The following PCDHGB6 variants were observed in gnomAD, a reference collection of about 807,000 sequenced individuals.
The protein encoded by PCDHGB6 is protocadherin gamma-B6.
In PCDHGB6, 51 loss-of-function variants were observed where a neutral mutation model predicts 59.1. That is an observed-to-expected ratio of 0.86 (90% CI 0.69 to 1.09). The LOEUF (loss-of-function observed/expected upper bound fraction) is 1.09. Among genes scored for constraint, PCDHGB6 ranks in the 50% least tolerant of loss-of-function variants. The pLI is 0.00. For synonymous variants in PCDHGB6, 466 were observed against 495.1 expected (o/e 0.94, Z 0.78); for missense variants, 1,148 against 1,205.1 (o/e 0.95, Z 0.70).
chr5:141,489,425 G>T lies in PCDHGB6; in HGVS notation c.2419-5382G>T, dbSNP rs779739693. 6.2e-7 allele frequency: 1 copy of T among 1,614,118 alleles called. No homozygotes were observed. The highest frequency in any genetic ancestry group is 8.5e-7 in the Non-Finnish European group (1 of 1,180,030). The stretch of plus-strand genomic sequence containing the variant: ...TTAAAGATGACAGATCTGTTGAGCC[G>T]GCGGCTGCAATTGGGCTCTGAGGAG... On this transcript the variant is annotated intron_variant, in intron 1 of 3. Transcript: ENST00000520790. This position sits in a 1 kb window ranked among gnomAD's most constrained non-coding sequence, Gnocchi z 4.5.
rs926009065 is a variant in PCDHGB6, at chr5:141,488,023, AG to A, written c.2419-6782del. ...TCAGATTCTGAAGTACCTTAACTCT[AG>A]GTTACCATTTCCCAAGGGATTGAGG... On this transcript the variant is annotated intron_variant, in intron 1 of 3. Transcript: ENST00000520790. 1.4e-3 allele frequency among the ~76,000 whole-genome samples: 213 copies of A among 152,260 alleles called. 1 individual carries two copies. The highest frequency in any genetic ancestry group is 5.0e-3 in the African/African-American group (208 of 41,542).
chr5:141,413,135 T>TGTCC (rs767378713), intron 1 of PCDHGB6: 1 of 1,545,632 alleles, frequency 6.5e-7, no homozygotes, highest in Non-Finnish European at 8.7e-7. Context: ...ACACACAACG[T>TGTCC]GTCCAGTGAG....
intron 1 of PCDHGB6, chr5:141,417,977 G>T (rs752463782): frequency 1.2e-6 from 2 of 1,613,872 alleles, no homozygotes; most frequent in South Asian, 2.2e-5. Context: ...GATTCCGGAG[G>T]AGCTGGCCAA....
At chr5:141,453,046 T>C (rs1561950003) in intron 1 of PCDHGB6, among the ~76,000 whole-genome samples, 1 of 152,186 alleles carries the variant, frequency 6.6e-6, no homozygotes, top group Non-Finnish European at 1.5e-5. Context: ...GTTTCTATTA[T>C]GTGCAGTTTT....
rs1184232947 is a variant in PCDHGB6 at position 141,487,060 on chromosome 5, G to T, written c.2419-7747G>T. ...TCTCTCGATATGCTGGGGAGGTGCG[G>T]ACGGCTGTTCCTATCCCAGCTGACC... On this transcript the variant is annotated intron_variant, in intron 1 of 3. Transcript: ENST00000520790. This position sits in a 1 kb window ranked among gnomAD's most constrained non-coding sequence, Gnocchi z 5.0. The T allele has an allele frequency of 1.9e-6, 3 of 1,614,182 alleles. No individual in the cohort carries two copies. In the East Asian group the frequency reaches 6.7e-5, roughly 36 times the overall value.
chr5:141,508,799 C>T (rs962590711), intron 3 of PCDHGB6, among the ~76,000 whole-genome samples: 1 of 152,110 alleles, frequency 6.6e-6, no homozygotes, highest in Non-Finnish European at 1.5e-5. Context: ...ACTCTGGAAT[C>T]CTGGCTCTTT....
intron 2 of PCDHGB6, among the ~76,000 whole-genome samples, chr5:141,498,971 G>GGGAAGGAA (rs201769957): frequency 0.022 from 2,449 of 111,032 alleles, 52 homozygotes; most frequent in African/African-American, 0.046. Flanking sequence ...GAGGGAGGGA[G>GGGAAGGAA]GGAAGGAAGG....
chr5:141,444,152 ATTTTTTTTTTTTTT>A (rs747671382), intron 1 of PCDHGB6, among the ~76,000 whole-genome samples: 241 of 33,882 alleles, frequency 7.1e-3, no homozygotes, highest in African/African-American at 0.019. Flanking sequence ...TGTGTACTGG[ATTTTTTTTTTTTTT>A]TTTTTTTTTT....
At chr5:141,421,305 G>A in intron 1 of PCDHGB6, 23 of 1,613,652 alleles carry the variant, frequency 1.4e-5, no homozygotes, top group Non-Finnish European at 1.9e-5. Context: ...CGCTGCGGGG[G>A]TTCCGGGCCA....
intron 1 of PCDHGB6, chr5:141,413,874 T>C: frequency 6.2e-7 from 1 of 1,613,424 alleles, no homozygotes; most frequent in Non-Finnish European, 8.5e-7. Context: ...TCCTTGTCAG[T>C]GTGACTGTCT....
In PCDHGB6 at chr5:141,490,390, G is replaced by C. The variant is rs2099699651; in HGVS notation, c.2419-4417G>C. The C allele has an allele frequency of 6.2e-7, 1 of 1,614,074 alleles. No individual in the cohort carries two copies. The highest frequency in any genetic ancestry group is 8.5e-7 in the Non-Finnish European group (1 of 1,180,040). On this transcript the variant is annotated intron_variant, in intron 1 of 3. Coordinates refer to ENST00000520790, the MANE Select transcript of PCDHGB6 (RefSeq NM_018926.3). This position sits in a 1 kb window ranked among gnomAD's most constrained non-coding sequence, Gnocchi z 5.4. ...AGACCGGGACTCAGGTAGAAATGGT[G>C]AAGTGAGCCTTGATATCTCTCCGGA... is the stretch of plus-strand genomic sequence containing the variant.
At chr5:141,426,680 T>TC in intron 1 of PCDHGB6, 1 of 431,452 alleles carries the variant, frequency 2.3e-6, no homozygotes, top group South Asian at 1.6e-5. Context: ...CACCTCATTT[T>TC]CCCCAAAATA....
intron 1 of PCDHGB6, among the ~76,000 whole-genome samples, chr5:141,458,112 A>C (rs2098937913): frequency 6.6e-6 from 1 of 152,208 alleles, no homozygotes; most frequent in Non-Finnish European, 1.5e-5. Context: ...ATAGTCTCCA[A>C]ATTTTAGAGG....
At chr5:141,460,872 T>C (rs2098999714) in intron 1 of PCDHGB6, among the ~76,000 whole-genome samples, 1 of 151,064 alleles carries the variant, frequency 6.6e-6, no homozygotes, top group South Asian at 2.1e-4. Flanking sequence ...GCAAAGGACA[T>C]TATTTCATGC....
intron 1 of PCDHGB6, among the ~76,000 whole-genome samples, chr5:141,472,001 G>A (rs992798148): frequency 1.1e-4 from 17 of 152,022 alleles, no homozygotes; most frequent in East Asian, 3.9e-4. Context: ...TCCCTGCATC[G>A]TATAGGGGCA....
At chr5:141,422,198 A>G (rs2096632774) in intron 1 of PCDHGB6, 1 of 1,562,340 alleles carries the variant, frequency 6.4e-7, no homozygotes, top group Non-Finnish European at 8.6e-7. Flanking sequence ...CAAGGCCAAG[A>G]TGGTGGAGGT....
At chr5:141,503,089 G>C (rs1352372525) in intron 2 of PCDHGB6, among the ~76,000 whole-genome samples, 2 of 151,590 alleles carry the variant, frequency 1.3e-5, no homozygotes, top group Non-Finnish European at 2.9e-5. Context: ...TCCTGACCTC[G>C]TGGTCTGCCC....
At chr5:141,498,346 C>T (rs780832000) in intron 2 of PCDHGB6, among the ~76,000 whole-genome samples, 1 of 150,796 alleles carries the variant, frequency 6.6e-6, no homozygotes, top group Non-Finnish European at 1.5e-5. Context: ...ATGGGAAAAG[C>T]CTATGCAAAA....
intron 1 of PCDHGB6, among the ~76,000 whole-genome samples, chr5:141,460,983 GTATA>G (rs59296681): frequency 0.024 from 3,365 of 137,748 alleles, 55 homozygotes; most frequent in African/African-American, 0.035. Flanking sequence ...GTGTGTGTGT[GTATA>G]TATATATATG....
Sources: allele counts gnomAD v4.1 joint callset (sites outside exome capture counted in the v4.1 genomes callset), GRCh38; gene constraint gnomAD v4.1.1; non-coding constraint Gnocchi (gnomAD v3.1); transcripts MANE v1.5; gene names NCBI Gene and HGNC (gene_info 2026-07-23, HGNC 2026-07-21).